IWS1: variants seen among roughly 807,000 people sequenced by gnomAD.
IWS1 encodes interacts with SUPT6H, CTD assembly factor 1.
In IWS1, 27 loss-of-function variants were observed where a neutral mutation model predicts 86.7. That is an observed-to-expected ratio of 0.31 (90% CI 0.23 to 0.43). The LOEUF (loss-of-function observed/expected upper bound fraction) is 0.43, where lower values mean the gene tolerates loss of function less well. Among genes scored for constraint, IWS1 ranks in the 20% least tolerant of loss-of-function variants. The pLI is 1.00. For synonymous variants in IWS1, 313 were observed against 335.1 expected (o/e 0.93, Z 0.72); for missense variants, 827 against 1,000.8 (o/e 0.83, Z 2.34).
intron 2 of IWS1, among the ~76,000 whole-genome samples, chr2:127,510,396 A>G (rs1228535151): frequency 2.0e-5 from 3 of 152,230 alleles, no homozygotes; most frequent in African/African-American, 7.2e-5. Context: ...CTGTCTATCA[A>G]AAGTTGGTTG....
chr2:127,524,350 C>T (rs1692268237), intron 1 of IWS1, among the ~76,000 whole-genome samples: 1 of 152,174 alleles, frequency 6.6e-6, no homozygotes, highest in African/African-American at 2.4e-5. Context: ...CAAACTGTTA[C>T]CTAACTTTCT....
At chr2:127,485,655 T>C (rs1014726846) in intron 13 of IWS1, among the ~76,000 whole-genome samples, 7 of 152,176 alleles carry the variant, frequency 4.6e-5, no homozygotes, top group African/African-American at 1.7e-4. Context: ...GAAGTAATTA[T>C]CTATTACTCT....
intron 2 of IWS1, among the ~76,000 whole-genome samples, chr2:127,512,747 C>T (rs1448783225): frequency 1.3e-5 from 2 of 152,180 alleles, no homozygotes; most frequent in African/African-American, 4.8e-5. Context: ...TCTACAATGA[C>T]GCACTATATA....
At chr2:127,494,805 AG>A (rs1690428095) in intron 8 of IWS1, 66 bp downstream of exon 8, 4 of 836,380 alleles carry the variant, frequency 4.8e-6, no homozygotes, top group Non-Finnish European at 7.8e-6. Flanking sequence ...CTAGAACACC[AG>A]TACATCATTT....
At chr2:127,490,593 G>A (rs1025941324) in intron 10 of IWS1, among the ~76,000 whole-genome samples, 7 of 152,128 alleles carry the variant, frequency 4.6e-5, no homozygotes, top group African/African-American at 1.2e-4. Context: ...TTTATAGACC[G>A]AACATGGGTG....
At chr2:127,508,980 A>G (rs1249735739) in intron 2 of IWS1, among the ~76,000 whole-genome samples, 1 of 152,254 alleles carries the variant, frequency 6.6e-6, no homozygotes, top group East Asian at 1.9e-4. Context: ...AGGACACTGC[A>G]TAAGACAATG....
intron 2 of IWS1, among the ~76,000 whole-genome samples, chr2:127,510,049 C>CAAAGTACTTG (rs1691362864): frequency 6.6e-6 from 1 of 152,158 alleles, no homozygotes. Flanking sequence ...GTGTCAAACT[C>CAAAGTACTTG]AAAGTACTTG....
At chr2:127,507,520 A>G (rs1293951929) in intron 2 of IWS1, among the ~76,000 whole-genome samples, 1 of 152,208 alleles carries the variant, frequency 6.6e-6, no homozygotes, top group Non-Finnish European at 1.5e-5. Context: ...TCCCACTGAA[A>G]CAGGCACTTA....
chr2:127,501,650 A>G (rs1170733015), intron 5 of IWS1: 1 of 152,002 alleles, frequency 6.6e-6, no homozygotes, highest in Non-Finnish European at 1.5e-5. Context: ...CTTCCAGTTC[A>G]CTTATTTTCA....
chr2:127,498,235 A>G lies in IWS1; in HGVS notation c.1470T>C (p.Gly490=). ...SGDEEEEEFT[G]FNQEDLEEEK... is the part of the protein sequence containing the mutation. The stretch of plus-strand genomic sequence containing the variant: ...CTTCTTCCAGATCTTCTTGGTTAAA[A>G]CCCTAAATGCAAAATTATCACAACC... The change falls in exon 6 of 14, where the codon GGT becomes GGC. Residue 490 remains glycine (G), a splice_region_variant and synonymous_variant. Transcript: ENST00000295321. 6.2e-7 allele frequency: 1 copy of G among 1,601,512 alleles called. No individual in the cohort carries two copies.
chr2:127,504,586 AAC>A (rs2104701212), intron 3 of IWS1, 96 bp downstream of exon 3: 1 of 862,792 alleles, frequency 1.2e-6, no homozygotes, highest in African/African-American at 1.7e-5. Context: ...TGAATAACAG[AAC>A]ACAGATCTGA....
chr2:127,507,981 A>C (rs889137938), intron 2 of IWS1, among the ~76,000 whole-genome samples: 3 of 152,240 alleles, frequency 2.0e-5, no homozygotes, highest in Non-Finnish European at 2.9e-5. Context: ...TCCATCGCCA[A>C]AATAGCTCAC....
intron 13 of IWS1, 197 bp downstream of exon 13, chr2:127,486,356 C>T (rs992395321): frequency 2.2e-6 from 1 of 459,870 alleles, no homozygotes; most frequent in African/African-American, 1.9e-5. Flanking sequence ...AATTCATCAG[C>T]AATAAACTTT....
chr2:127,512,802 A>G lies in IWS1; in HGVS notation c.151-7050T>C, dbSNP rs531698524. Among the ~76,000 whole-genome samples, 74 of 152,378 alleles carry G rather than the reference A, an allele frequency of 4.9e-4. 1 individual carries two copies. Among genetic ancestry groups the G allele is most frequent in the African/African-American group, 1.7e-3 (69 of 41,592 alleles). On this transcript the variant is annotated intron_variant, in intron 2 of 13. Coordinates refer to ENST00000295321, the MANE Select transcript of IWS1 (RefSeq NM_017969.3). ...TCTGCCGCACCCACATGGATACCTT[A>G]AAGTTTTAAGTTTGCATTGCTATGC...
At chr2:127,481,938 C>A (rs1689653621) in intron 13 of IWS1, among the ~76,000 whole-genome samples, 1 of 151,972 alleles carries the variant, frequency 6.6e-6, no homozygotes, top group African/African-American at 2.4e-5. Context: ...AAGTCTTTAC[C>A]CATTTGCCCT....
At chr2:127,523,168 C>T (rs1485541011) in intron 2 of IWS1, among the ~76,000 whole-genome samples, 1 of 152,112 alleles carries the variant, frequency 6.6e-6, no homozygotes, top group Admixed American at 6.5e-5. Context: ...CGAGGTCTCA[C>T]CACTGTACTC....
intron 2 of IWS1, among the ~76,000 whole-genome samples, chr2:127,511,671 G>A (rs1235834660): frequency 6.6e-6 from 1 of 152,008 alleles, no homozygotes; most frequent in Non-Finnish European, 1.5e-5. Context: ...TTTACCTGCA[G>A]CATAAAAAAG....
chr2:127,515,725 T>C (rs1691732020), intron 2 of IWS1, among the ~76,000 whole-genome samples: 1 of 152,114 alleles, frequency 6.6e-6, no homozygotes, highest in South Asian at 2.1e-4. Context: ...CCTACACAAA[T>C]TCCACAAGAG....
At position 127,489,054 on chromosome 2, in the gene IWS1, C is replaced by G. The variant is rs972772000; in HGVS notation, c.2216+125G>C. ...AATACAATGCTTTGTAGATACTAAA[C>G]GTTAAAATGAAAGTCACCTCCCACA... On this transcript the variant is annotated intron_variant, in intron 12 of 13. Coordinates refer to ENST00000295321, the MANE Select transcript of IWS1 (RefSeq NM_017969.3). The surrounding 1 kb of genome is among the most constrained non-coding windows in gnomAD (Gnocchi z 4.8). 7.6e-6 allele frequency: 5 copies of G among 659,162 alleles called. No homozygotes were observed. Among genetic ancestry groups the G allele is most frequent in the Non-Finnish European group, 1.3e-5 (5 of 372,806 alleles). 40.8% of individuals were successfully genotyped at this position (659,162 alleles called of 1,614,324 possible).
Sources: allele counts gnomAD v4.1 joint callset (sites outside exome capture counted in the v4.1 genomes callset), GRCh38; gene constraint gnomAD v4.1.1; non-coding constraint Gnocchi (gnomAD v3.1); transcripts MANE v1.5; gene names NCBI Gene and HGNC (gene_info 2026-07-23, HGNC 2026-07-21).